The following TMEM51 variants were observed in gnomAD, a reference collection of about 807,000 sequenced individuals.
TMEM51 encodes chromosome 1 open reading frame 72.
Under a neutral mutation model 13.6 loss-of-function variants are expected in TMEM51, and 8 were observed. That is an observed-to-expected ratio of 0.59 (90% confidence interval 0.35 to 1.07). The LOEUF (loss-of-function observed/expected upper bound fraction) is 1.07. Among genes scored for constraint, TMEM51 ranks in the 50% least tolerant of loss-of-function variants. The probability of loss-of-function intolerance (pLI) is 0.02; values close to 1 mark genes in which losing one functional copy is unlikely to be tolerated. For missense variants in TMEM51, 279 were observed against 330.7 expected, an observed-to-expected ratio of 0.84 and a Z score of 1.21; for synonymous variants, 147 against 144.4, an observed-to-expected ratio of 1.02 and a Z score of -0.13.
At chr1:15,164,670 G>T (rs1428329308) in intron 1 of TMEM51, among the ~76,000 whole-genome samples, 1 of 151,728 alleles carries the variant, frequency 6.6e-6, no homozygotes, top group African/African-American at 2.4e-5. Context: ...TTATTGAAAC[G>T]ATTTTTAGAT....
chr1:15,163,828 G>T (rs4661585), intron 1 of TMEM51, among the ~76,000 whole-genome samples: 8,433 of 123,268 alleles, frequency 0.068, 186 homozygotes, highest in Non-Finnish European at 0.088. Context: ...GGCTTTTTTT[G>T]GGGGGGGGGA....
chr1:15,156,436 C>T (rs4661582), intron 1 of TMEM51, among the ~76,000 whole-genome samples: 51,697 of 152,050 alleles, frequency 0.34, 8,928 homozygotes, highest in South Asian at 0.43. Flanking sequence ...ATTCTCTTCC[C>T]CCAGCCCCAA....
chr1:15,217,662 C>T (rs912559935), intron 3 of TMEM51, among the ~76,000 whole-genome samples: 4 of 152,028 alleles, frequency 2.6e-5, no homozygotes, highest in African/African-American at 9.7e-5. Flanking sequence ...AGTCTGAGAG[C>T]AGGAGAAGAT....
At chr1:15,153,644 G>A (rs1275683211), upstream of TMEM51, 2 of 152,084 alleles carry the variant, frequency 1.3e-5, no homozygotes, top group Non-Finnish European at 2.9e-5. Flanking sequence ...GGCCGGGAGG[G>A]AGGGTCGGCC....
At chr1:15,204,717 T>C (rs543346696) in intron 1 of TMEM51, among the ~76,000 whole-genome samples, 31 of 152,216 alleles carry the variant, frequency 2.0e-4, no homozygotes, top group Admixed American at 1.9e-3. Context: ...CTTGATAAAA[T>C]GGACAGAGGT....
intron 1 of TMEM51, among the ~76,000 whole-genome samples, chr1:15,193,647 G>A (rs536326743): frequency 6.4e-5 from 9 of 139,942 alleles, no homozygotes; most frequent in Non-Finnish European, 1.2e-4. Context: ...GCACGGTCTC[G>A]GCTCACTGCA....
intron 1 of TMEM51, among the ~76,000 whole-genome samples, chr1:15,194,930 T>C (rs1346543218): frequency 1.4e-5 from 2 of 147,202 alleles, no homozygotes; most frequent in East Asian, 3.9e-4. Context: ...TTTTTTTTTT[T>C]TTTTTTTTTT....
intron 1 of TMEM51, among the ~76,000 whole-genome samples, chr1:15,167,502 C>A (rs987478288): frequency 3.3e-5 from 5 of 151,480 alleles, no homozygotes; most frequent in Non-Finnish European, 7.4e-5. Context: ...TATAAACATT[C>A]AGAGGTTTTA....
chr1:15,195,634 G>C (rs1644032592), intron 1 of TMEM51, among the ~76,000 whole-genome samples: 1 of 152,078 alleles, frequency 6.6e-6, no homozygotes, highest in Non-Finnish European at 1.5e-5. Flanking sequence ...ATTCTTCCTT[G>C]AGTTCTGAGA....
intron 1 of TMEM51, among the ~76,000 whole-genome samples, chr1:15,166,593 C>T (rs1643006469): frequency 6.6e-6 from 1 of 152,006 alleles, no homozygotes; most frequent in African/African-American, 2.4e-5. Flanking sequence ...GTGGCAGGTA[C>T]CTGTAATCCC....
At chr1:15,167,336 A>C (rs1483030052) in intron 1 of TMEM51, among the ~76,000 whole-genome samples, 1 of 133,676 alleles carries the variant, frequency 7.5e-6, no homozygotes, top group Admixed American at 6.9e-5. Context: ...CAAAAAAAAA[A>C]AAAAAAAAAA....
upstream of TMEM51, among the ~76,000 whole-genome samples, chr1:15,153,362 C>G (rs1642461111): frequency 3.3e-5 from 5 of 152,174 alleles, no homozygotes; most frequent in Admixed American, 3.3e-4. Context: ...GGACTTCTAG[C>G]TTGAGACATT....
At chr1:15,203,555 C>G (rs529531647) in intron 1 of TMEM51, among the ~76,000 whole-genome samples, 2 of 152,218 alleles carry the variant, frequency 1.3e-5, no homozygotes, top group South Asian at 4.2e-4. Flanking sequence ...GCCACCACAC[C>G]TGGCCTGTTT....
At chr1:15,168,620 C>T (rs1433407741) in intron 1 of TMEM51, 1 of 1,304,316 alleles carries the variant, frequency 7.7e-7, no homozygotes, top group East Asian at 5.5e-5. Flanking sequence ...CCATAGAGTT[C>T]TTCAACCTTG....
chr1:15,203,716 C>T (rs1207647595), intron 1 of TMEM51, among the ~76,000 whole-genome samples: 1 of 152,134 alleles, frequency 6.6e-6, no homozygotes, highest in Non-Finnish European at 1.5e-5. Context: ...GGACTTGGTC[C>T]ATAGTAGGTG....
At chr1:15,176,040 T>C (rs1643447262) in intron 1 of TMEM51, among the ~76,000 whole-genome samples, 1 of 152,234 alleles carries the variant, frequency 6.6e-6, no homozygotes, top group South Asian at 2.1e-4. Flanking sequence ...TGTTTTCTTT[T>C]CCAGACATCT....
At chr1:15,183,822 A>G (rs528760898) in intron 1 of TMEM51, among the ~76,000 whole-genome samples, 3 of 152,368 alleles carry the variant, frequency 2.0e-5, no homozygotes, top group South Asian at 2.1e-4. Flanking sequence ...ATGGACAACT[A>G]CTTGCAAATG....
intron 1 of TMEM51, among the ~76,000 whole-genome samples, chr1:15,201,784 G>T (rs79744644): frequency 0.019 from 2,887 of 152,212 alleles, 93 homozygotes; most frequent in African/African-American, 0.066. Context: ...ACAGCATTGC[G>T]GTGGCTAAAA....
intron 1 of TMEM51, among the ~76,000 whole-genome samples, chr1:15,156,211 G>C (rs1350450793): frequency 6.6e-6 from 1 of 152,172 alleles, no homozygotes; most frequent in Non-Finnish European, 1.5e-5. Context: ...CGACTCTCCG[G>C]CTCGCTGGCT....
Sources: gnomAD v4.1 joint callset for allele counts (sites outside exome capture counted in the v4.1 genomes callset) on GRCh38, gnomAD v4.1.1 for gene constraint, MANE v1.5 for transcripts, NCBI Gene and HGNC (gene_info 2026-07-23, HGNC 2026-07-21) for gene names.